Variants in TBC1D22A observed in about 807,000 individuals in gnomAD.
The protein encoded by TBC1D22A is putative GTPase activator.
In TBC1D22A, 38 loss-of-function variants were observed where a neutral mutation model predicts 60.2. The ratio of observed to expected loss-of-function variants is 0.63; its 90% CI spans 0.49 to 0.83. The LOEUF is 0.83. Among genes scored for constraint, TBC1D22A ranks in the 40% least tolerant of loss-of-function variants. The pLI is 0.00. For synonymous variants in TBC1D22A, 302 were observed against 281.7 expected (o/e 1.07, Z -0.72); for missense variants, 628 against 701.0 (o/e 0.90, Z 1.18).
chr22:47,124,769 G>A (rs904453961), intron 12 of TBC1D22A, among the ~76,000 whole-genome samples: 4 of 152,230 alleles, frequency 2.6e-5, no homozygotes, highest in Non-Finnish European at 4.4e-5. Flanking sequence ...AGGGGCCCGC[G>A]GGGGAAGCAG....
chr22:47,064,024 C>T (rs1168425691), intron 11 of TBC1D22A, among the ~76,000 whole-genome samples: 1 of 49,942 alleles, frequency 2.0e-5, no homozygotes, highest in Non-Finnish European at 3.5e-5. Flanking sequence ...GATCAGGGCC[C>T]CCCCTACTCC....
Position 47,175,096 on chromosome 22 carries a change from G to A in TBC1D22A, c.*1470G>A, listed in dbSNP as rs1006429803. 1 of 152,280 alleles carries A rather than the reference G, an allele frequency of 6.6e-6. No individual in the cohort carries two copies. Among genetic ancestry groups the A allele is most frequent in the East Asian group, 1.9e-4 (1 of 5,198 alleles). The allele number at this position is 152,280 out of a possible 1,614,324, so 9.4% of individuals were successfully genotyped here. On this transcript the variant is annotated 3_prime_UTR_variant, in exon 13 of 13. Transcript: ENST00000337137. ...CCCTAGGACACTGCCAGAGACTGTG[G>A]GACATACAGGCATAAGTGATGTGTG...
chr22:46,944,719 T>C (rs1785129968), intron 8 of TBC1D22A, among the ~76,000 whole-genome samples: 1 of 152,206 alleles, frequency 6.6e-6, no homozygotes, highest in Non-Finnish European at 1.5e-5. Context: ...TTTTAAAAAA[T>C]AAAACTTTTC....
chr22:46,822,241 A>C (rs1194604453), intron 4 of TBC1D22A, among the ~76,000 whole-genome samples: 1 of 151,914 alleles, frequency 6.6e-6, no homozygotes, highest in Non-Finnish European at 1.5e-5. Context: ...TACTCCTGTC[A>C]ATTTGTCCAT....
chr22:47,146,235 G>A (rs574382623), intron 12 of TBC1D22A, among the ~76,000 whole-genome samples: 4 of 152,310 alleles, frequency 2.6e-5, no homozygotes, highest in South Asian at 2.1e-4. Flanking sequence ...AGGGCTCCTC[G>A]CTGTGTTCTC....
intron 12 of TBC1D22A, among the ~76,000 whole-genome samples, chr22:47,138,897 C>T (rs1335970301): frequency 1.3e-5 from 2 of 152,198 alleles, no homozygotes; most frequent in Non-Finnish European, 2.9e-5. Context: ...CCCGAGGGCT[C>T]CCGCTCATGG....
At chr22:46,973,040 C>A (rs1192460676) in intron 8 of TBC1D22A, among the ~76,000 whole-genome samples, 2 of 152,212 alleles carry the variant, frequency 1.3e-5, no homozygotes, top group Non-Finnish European at 2.9e-5. Context: ...CCTGCTGGTT[C>A]TGGGGTGAAC....
intron 7 of TBC1D22A, among the ~76,000 whole-genome samples, chr22:46,903,139 G>A (rs2069130171): frequency 6.6e-6 from 1 of 152,280 alleles, no homozygotes; most frequent in East Asian, 1.9e-4. Flanking sequence ...TTTCCTCAGG[G>A]GACTCTGCAA....
chr22:47,004,701 C>T (rs1346173025), intron 10 of TBC1D22A, among the ~76,000 whole-genome samples: 1 of 146,574 alleles, frequency 6.8e-6, no homozygotes, highest in Admixed American at 6.8e-5. Context: ...TACACACATA[C>T]CCCTCATACA....
chr22:47,145,448 G>A (rs527689056), intron 12 of TBC1D22A, among the ~76,000 whole-genome samples: 4 of 152,306 alleles, frequency 2.6e-5, no homozygotes, highest in African/African-American at 4.8e-5. Context: ...TCACAGGTGT[G>A]GTGACAACCA....
At chr22:46,873,022 T>C (rs982937680) in intron 4 of TBC1D22A, among the ~76,000 whole-genome samples, 1 of 152,166 alleles carries the variant, frequency 6.6e-6, no homozygotes, top group Admixed American at 6.5e-5. Flanking sequence ...TCATGCCAGC[T>C]GACAAAGGAG....
At chr22:46,894,907 A>C in intron 7 of TBC1D22A, 61 bp downstream of exon 7, 4 of 1,579,524 alleles carry the variant, frequency 2.5e-6, no homozygotes, top group Non-Finnish European at 3.5e-6. Context: ...CCACTGTGCT[A>C]ACCAGACAGT....
intron 10 of TBC1D22A, among the ~76,000 whole-genome samples, chr22:47,034,733 A>T (rs910322124): frequency 1.5e-4 from 23 of 152,106 alleles, no homozygotes; most frequent in African/African-American, 5.3e-4. Flanking sequence ...TGGACGACGG[A>T]GCTCGAACAG....
At position 46,762,845 on chromosome 22, in the gene TBC1D22A, G is replaced by A. The variant is rs1375724995; in HGVS notation, c.59G>A (p.Gly20Asp). ...AAGCGCAGCAACAGCAAGCTCCCGGGCAGGTGGGTGTGCCGCGGAGGGCCA... is the reference window on the plus strand; with the variant it reads ...AAGCGCAGCAACAGCAAGCTCCCGGACAGGTGGGTGTGCCGCGGAGGGCCA... ...FWKRSNSKLP[G>D]SIQHVYGAQH... The change falls in exon 1 of 13, where the codon GGC becomes GAC. Residue 20 changes from glycine to aspartate, a missense_variant. Coordinates refer to ENST00000337137, the MANE Select transcript of TBC1D22A (RefSeq NM_014346.5). The A allele has an allele frequency of 1.4e-6, 2 of 1,469,846 alleles. No individual in the cohort carries two copies. The highest frequency in any genetic ancestry group is 1.4e-5 in the South Asian group (1 of 72,268). The allele number at this position is 1,469,846 out of a possible 1,614,324, so 91.1% of individuals were successfully genotyped here.
In TBC1D22A at chr22:46,941,612, A is replaced by ATATATATACGGAATATATATACGCGGG. The variant is rs2072105197; in HGVS notation, c.1015+29424_1015+29425insTATATATACGGAATATATATACGCGGG. ...ATATATACGGAATATATATACGCGG[A>ATATATATACGGAATATATATACGCGGG]ATATATATACGGAATATATATACGC... On this transcript the variant is annotated intron_variant, in intron 8 of 12. Transcript: ENST00000337137. Among the ~76,000 whole-genome samples the ATATATATACGGAATATATATACGCGGG allele has an allele frequency of 2.0e-5, 3 of 148,192 alleles. No individual in the cohort carries two copies. In the East Asian group the frequency reaches 5.9e-4, roughly 29 times the overall value.
At chr22:47,156,463 C>T (rs1001061968) in intron 12 of TBC1D22A, among the ~76,000 whole-genome samples, 8 of 152,176 alleles carry the variant, frequency 5.3e-5, no homozygotes, top group Non-Finnish European at 8.8e-5. Context: ...GCTTCTTGAG[C>T]GGCCGTCTCC....
chr22:47,062,656 G>A (rs1003687030), intron 11 of TBC1D22A, among the ~76,000 whole-genome samples: 1 of 152,202 alleles, frequency 6.6e-6, no homozygotes, highest in Non-Finnish European at 1.5e-5. Context: ...CTAGGAACAC[G>A]AGGCAAATCC....
intron 4 of TBC1D22A, among the ~76,000 whole-genome samples, chr22:46,863,513 A>C (rs1379094549): frequency 6.6e-6 from 1 of 152,112 alleles, no homozygotes; most frequent in Non-Finnish European, 1.5e-5. Flanking sequence ...CTGGGTTCTG[A>C]CTGGTCAGGA....
At chr22:46,888,827 T>A (rs888935295) in intron 5 of TBC1D22A, among the ~76,000 whole-genome samples, 4 of 152,196 alleles carry the variant, frequency 2.6e-5, no homozygotes, top group Non-Finnish European at 5.9e-5. Flanking sequence ...TGCCTCAGCC[T>A]CCTGAGTAGT....
Sources: gnomAD v4.1 joint callset for allele counts (sites outside exome capture counted in the v4.1 genomes callset) on GRCh38, gnomAD v4.1.1 for gene constraint, MANE v1.5 for transcripts, NCBI Gene and HGNC (gene_info 2026-07-23, HGNC 2026-07-21) for gene names.